The following ABLIM3 variants were observed in gnomAD, a reference collection of about 807,000 sequenced individuals.
The protein encoded by ABLIM3 is actin binding LIM protein family member 3.
In ABLIM3, 61 loss-of-function variants were observed where a neutral mutation model predicts 109.5. The ratio of observed to expected loss-of-function variants is 0.56; its 90% CI spans 0.45 to 0.69. The LOEUF is 0.69. ABLIM3 is among the 30% of genes least tolerant of loss of function. ABLIM3 has a pLI of 0.00. For synonymous variants in ABLIM3, 300 were observed against 324.8 expected, an observed-to-expected ratio of 0.92 and a Z score of 0.82; for missense variants, 796 against 889.5, an observed-to-expected ratio of 0.89 and a Z score of 1.34.
At chr5:149,225,940 T>TATGTAC (rs1377148763) in intron 8 of ABLIM3, among the ~76,000 whole-genome samples, 2 of 142,216 alleles carry the variant, frequency 1.4e-5, no homozygotes, top group African/African-American at 5.4e-5. Flanking sequence ...TATATATATA[T>TATGTAC]GTATGTATGT....
intron 9 of ABLIM3, among the ~76,000 whole-genome samples, chr5:149,232,932 G>T (rs1257283850): frequency 1.3e-5 from 2 of 152,140 alleles, no homozygotes; most frequent in African/African-American, 4.8e-5. Flanking sequence ...ATACATTATT[G>T]ACTGGGATAA....
intron 5 of ABLIM3, among the ~76,000 whole-genome samples, chr5:149,206,542 G>C (rs1758992983): frequency 6.6e-6 from 1 of 152,186 alleles, no homozygotes; most frequent in Middle Eastern, 3.2e-3. Context: ...TTGAAAAACT[G>C]TATACTTAGC....
At chr5:149,212,877 C>T (rs1759699253) in intron 7 of ABLIM3, among the ~76,000 whole-genome samples, 1 of 152,142 alleles carries the variant, frequency 6.6e-6, no homozygotes, top group Admixed American at 6.5e-5. Context: ...GTAATCCCAG[C>T]ACTTTGGGAT....
At chr5:149,233,674 A>AG (rs1762086375) in intron 10 of ABLIM3, among the ~76,000 whole-genome samples, 1 of 152,214 alleles carries the variant, frequency 6.6e-6, no homozygotes, top group African/African-American at 2.4e-5. Context: ...TATTCTGAAT[A>AG]GGTATTAGGT....
intron 3 of ABLIM3, among the ~76,000 whole-genome samples, chr5:149,187,305 A>T (rs2127480649): frequency 6.6e-6 from 1 of 152,362 alleles, no homozygotes; most frequent in South Asian, 2.1e-4. Flanking sequence ...AAAACCTCAG[A>T]TCATCAAAGA....
rs115889191 is a variant in ABLIM3 at position 149,144,429 on chromosome 5, G to A, written c.13+2321G>A. On this transcript the variant is annotated intron_variant, in intron 2 of 23. Coordinates refer to ENST00000309868, the MANE Select transcript of ABLIM3 (RefSeq NM_014945.5). ...ATAGGGTGATATGGATAGGGCATTG[G>A]CAGGAGGTCCTTGGGTCACCTGACT... Among the ~76,000 whole-genome samples the A allele has an allele frequency of 3.4e-3, 516 of 152,318 alleles. 2 individuals are homozygous for A. Among genetic ancestry groups the A allele is most frequent in the Non-Finnish European group, 5.1e-3 (345 of 68,016 alleles).
chr5:149,234,645 C>G (rs1470650326), intron 10 of ABLIM3, among the ~76,000 whole-genome samples: 1 of 152,150 alleles, frequency 6.6e-6, no homozygotes, highest in Non-Finnish European at 1.5e-5. Flanking sequence ...TCAAAAAAGA[C>G]AAGCTGCTTT....
chr5:149,251,307 G>A, intron 20 of ABLIM3, 52 bp from the exon 21 acceptor site: 5 of 1,608,308 alleles, frequency 3.1e-6, no homozygotes, highest in South Asian at 1.1e-5. Flanking sequence ...GTGCTTCAGG[G>A]AGGCAGAGGT....
At chr5:149,214,330 G>C (rs1759840486) in intron 7 of ABLIM3, among the ~76,000 whole-genome samples, 2 of 152,206 alleles carry the variant, frequency 1.3e-5, no homozygotes, top group South Asian at 4.1e-4. Context: ...ATTCTCAGGA[G>C]GGCGTTCTTG....
At chr5:149,189,200 T>C (rs1561567779) in intron 3 of ABLIM3, among the ~76,000 whole-genome samples, 2 of 152,100 alleles carry the variant, frequency 1.3e-5, no homozygotes, top group African/African-American at 4.8e-5. Flanking sequence ...TACATAAAAA[T>C]TAACTAAAAA....
chr5:149,208,140 G>A (rs985425487), intron 6 of ABLIM3, among the ~76,000 whole-genome samples: 3 of 152,224 alleles, frequency 2.0e-5, no homozygotes, highest in African/African-American at 7.2e-5. Flanking sequence ...GTGTGATCAG[G>A]AGCCCAGACA....
rs762073479 is a variant in ABLIM3 at position 149,246,488 on chromosome 5, G to A, written c.1493G>A (p.Arg498Gln). 40 of 1,613,970 alleles carry A rather than the reference G, an allele frequency of 2.5e-5. No homozygotes were observed. The highest frequency in any genetic ancestry group is 3.3e-5 in the South Asian group (3 of 91,076). Reference sequence around the variant, plus strand: ...CTTTTCTGTCTTTTGACAGTGCCCCGAGCCAGAAGGTTCTCGTCTGGAGGA... The same window carrying A: ...CTTTTCTGTCTTTTGACAGTGCCCCAAGCCAGAAGGTTCTCGTCTGGAGGA... ...WTYHGSPKVP[R>Q]ARRFSSGGEE... The change falls in exon 17 of 24, where the codon CGA (arginine) becomes CAA (glutamine). Residue 498 changes from arginine (R) to glutamine (Q), a missense_variant. Transcript: ENST00000309868.
In ABLIM3 at chr5:149,175,571, G is replaced by A. The variant is rs181796189; in HGVS notation, c.14-7881G>A. Among the ~76,000 whole-genome samples, 155 of 152,142 alleles carry A rather than the reference G, an allele frequency of 1.0e-3. 1 individual carries two copies. In the Middle Eastern group the frequency reaches 0.014, roughly 13 times the overall value. The stretch of plus-strand genomic sequence containing the variant: ...GAAAGAGGCCCTGTGCTGAGCCCAC[G>A]GACACAGGCACAGTCAACAGCAGAG... On this transcript the variant is annotated intron_variant, in intron 2 of 23. Coordinates refer to ENST00000309868, the MANE Select transcript of ABLIM3 (RefSeq NM_014945.5).
intron 3 of ABLIM3, among the ~76,000 whole-genome samples, chr5:149,192,721 C>A (rs4318764): frequency 2.0e-5 from 3 of 151,060 alleles, no homozygotes; most frequent in Admixed American, 1.3e-4. Context: ...AAAGCTTTAA[C>A]GAAATAGTGT....
intron 2 of ABLIM3, among the ~76,000 whole-genome samples, chr5:149,152,456 C>A (rs1471583968): frequency 6.6e-6 from 1 of 152,196 alleles, no homozygotes; most frequent in Admixed American, 6.5e-5. Context: ...GCCACATGTC[C>A]TTATTCCCCC....
In ABLIM3 at chr5:149,239,851, C is replaced by T. The variant is rs752862872; in HGVS notation, c.1167C>T (p.Pro389=). The T allele has an allele frequency of 2.2e-5, 36 of 1,610,452 alleles. No individual in the cohort carries two copies. The highest frequency in any genetic ancestry group is 3.1e-5 in the Non-Finnish European group (36 of 1,178,226). ...SPTYSRQGMS[P]TFSRSPHHYY... is the part of the protein sequence containing the mutation. ...CCTACAGCCGGCAGGGCATGTCCCC[C>T]ACCTTCTCCCGCTCACCTCACCACT... Residue 389 remains proline (P), a synonymous_variant, in exon 13 of 24, where the codon CCC becomes CCT. Coordinates refer to ENST00000309868, the MANE Select transcript of ABLIM3 (RefSeq NM_014945.5).
intron 2 of ABLIM3, among the ~76,000 whole-genome samples, chr5:149,156,140 A>G (rs185859241): frequency 6.6e-6 from 1 of 152,364 alleles, no homozygotes; most frequent in Non-Finnish European, 1.5e-5. Context: ...GGCTTGCTGT[A>G]TATTCTAATA....
At chr5:149,179,456 C>T (rs1561557616) in intron 2 of ABLIM3, among the ~76,000 whole-genome samples, 1 of 152,182 alleles carries the variant, frequency 6.6e-6, no homozygotes, top group Admixed American at 6.5e-5. Flanking sequence ...ATTTATTTCA[C>T]TGCTCATGAT....
At chr5:149,154,413 C>A (rs1474995111) in intron 2 of ABLIM3, among the ~76,000 whole-genome samples, 1 of 152,218 alleles carries the variant, frequency 6.6e-6, no homozygotes, top group Non-Finnish European at 1.5e-5. Context: ...GGGCCTGTTA[C>A]ATGTAGGGAG....
Sources: gnomAD v4.1 joint callset for allele counts (sites outside exome capture counted in the v4.1 genomes callset) on GRCh38, gnomAD v4.1.1 for gene constraint, MANE v1.5 for transcripts, NCBI Gene and HGNC (gene_info 2026-07-23, HGNC 2026-07-21) for gene names.